Variants in KIF18B observed in about 807,000 individuals in gnomAD.
The protein encoded by KIF18B is kinesin-like protein KIF18B.
KIF18B carries 49 observed loss-of-function variants against 80.9 expected under a neutral mutation model. That is an observed-to-expected ratio of 0.61 (90% confidence interval 0.48 to 0.77). The LOEUF is 0.77. Ranked by LOEUF, KIF18B falls within the 30% of genes least tolerant of loss-of-function variation. The pLI is 0.00. For synonymous variants in KIF18B, 439 were observed against 463.9 expected (o/e 0.95, Z 0.69); for missense variants, 994 against 1,127.7 (o/e 0.88, Z 1.70).
chr17:44,936,582 CTCTCTCTCTCTCTCTCTATATATATATA>C (rs1436859784), intron 1 of KIF18B, among the ~76,000 whole-genome samples: 1 of 57,102 alleles, frequency 1.8e-5, no homozygotes, highest in Non-Finnish European at 3.6e-5. Context: ...CTCTCTCTCT[CTCTCTCTCTCTCTCTCTATATATATATA>C]TATATATATA....
At position 44,927,303 on chromosome 17, in the gene KIF18B, G is replaced by C. The variant is rs116305527; in HGVS notation, c.2277-225C>G. ...CCAGATGCCAGTTTCTGGTGCACCC[G>C]GGGAACTGGAGTTCAAACAATTTCA... On this transcript the variant is annotated intron_variant, in intron 13 of 15. Transcript: ENST00000593135. This position sits in a 1 kb window ranked among gnomAD's most constrained non-coding sequence, Gnocchi z 4.1. 3.2e-4 allele frequency among the ~76,000 whole-genome samples: 49 copies of C among 152,284 alleles called. No homozygotes were observed. In the East Asian group the frequency reaches 8.9e-3, roughly 28 times the overall value.
At chr17:44,926,311 C>T in intron 15 of KIF18B, 103 bp downstream of exon 15, 1 of 1,559,720 alleles carries the variant, frequency 6.4e-7, no homozygotes, top group Non-Finnish European at 8.7e-7. Context: ...TGGCAATACC[C>T]TAGGCCCTCC....
chr17:44,935,938 G>A, intron 2 of KIF18B, 94 bp downstream of exon 2: 2 of 1,137,040 alleles, frequency 1.8e-6, no homozygotes, highest in Non-Finnish European at 2.6e-6. Flanking sequence ...CCCAGCTTGG[G>A]GGAGGCGGGC....
chr17:44,939,207 C>A (rs1224180937), intron 1 of KIF18B, among the ~76,000 whole-genome samples: 4 of 151,282 alleles, frequency 2.6e-5, no homozygotes, highest in African/African-American at 9.7e-5. Flanking sequence ...CCTGTCTCTA[C>A]TAAAAATACA....
chr17:44,932,280 G>T, intron 9 of KIF18B, 74 bp from the exon 10 acceptor site: 1 of 1,494,854 alleles, frequency 6.7e-7, no homozygotes, highest in Non-Finnish European at 8.9e-7. Context: ...CAGGATGTGG[G>T]CCAGGTGGGA....
chr17:44,931,369 C>G (rs2052142114), intron 11 of KIF18B, among the ~76,000 whole-genome samples: 1 of 152,220 alleles, frequency 6.6e-6, no homozygotes, highest in African/African-American at 2.4e-5. Flanking sequence ...TGGATGTACT[C>G]TGGCATTTTG....
At chr17:44,937,812 G>A (rs539875103) in intron 1 of KIF18B, among the ~76,000 whole-genome samples, 1 of 152,140 alleles carries the variant, frequency 6.6e-6, no homozygotes, top group African/African-American at 2.4e-5. Flanking sequence ...GTGCATTCTT[G>A]TTTTGTTTCT....
intron 1 of KIF18B, among the ~76,000 whole-genome samples, chr17:44,939,769 C>T (rs886470696): frequency 2.0e-5 from 3 of 152,024 alleles, no homozygotes; most frequent in African/African-American, 4.8e-5. Context: ...AGGTTTATTA[C>T]TAGTTATTAC....
At position 44,926,154 on chromosome 17, in the gene KIF18B, G is replaced by C. The variant is rs199637788; in HGVS notation, c.2485C>G (p.Arg829Gly). The part of the protein sequence containing the change: ...LPLSPLCPSN[R>G]RNGKDLIRVG... ...CTGATGAGGTCCTTTCCATTCCTCC[G>C]GTTGCTAGGGCACAGGGGACTCAAG... Residue 829 changes from arginine to glycine, a missense_variant, in exon 16 of 16, where the codon CGG (arginine) becomes GGG (glycine). Arg to Gly is a moderately radical substitution (Grantham distance 125). Transcript: ENST00000593135. The C allele has an allele frequency of 2.4e-4, 381 of 1,613,774 alleles. No individual in the cohort carries two copies. The highest frequency in any genetic ancestry group is 3.1e-4 in the Non-Finnish European group (360 of 1,179,860).
chr17:44,927,932 A>G lies in KIF18B; in HGVS notation c.2276+94T>C, dbSNP rs2052062023. On this transcript the variant is annotated intron_variant, in intron 13 of 15. Transcript: ENST00000593135. The surrounding 1 kb of genome is among the most constrained non-coding windows in gnomAD (Gnocchi z 4.1). ...AACAGATAGGAACCGTCCCAGCTCC[A>G]AGGCTGTCCTCCATACTTCTCAGCA... 1.8e-5 allele frequency: 21 copies of G among 1,144,620 alleles called. No homozygotes were observed. Among genetic ancestry groups the G allele is most frequent in the Non-Finnish European group, 2.4e-5 (20 of 833,556 alleles). The allele number at this position is 1,144,620 out of a possible 1,614,324, so 70.9% of individuals were successfully genotyped here. A position where few individuals can be genotyped will look rare whatever the true frequency, so the allele number is the denominator to read the frequency against.
chr17:44,934,642 G>T lies in KIF18B; in HGVS notation c.577-25C>A. On this transcript the variant is annotated intron_variant, in intron 4 of 15. Coordinates refer to ENST00000593135, the MANE Select transcript of KIF18B (RefSeq NM_001265577.2). This position sits in a 1 kb window ranked among gnomAD's most constrained non-coding sequence, Gnocchi z 5.4. The stretch of plus-strand genomic sequence containing the variant: ...GCTACAGAGGAGAAGCCCAGGAACG[G>T]GGCTGTGGGTTCCCGGATCAGGACT... The T allele has an allele frequency of 6.4e-7, 1 of 1,555,826 alleles. No individual in the cohort carries two copies. Among genetic ancestry groups the T allele is most frequent in the Non-Finnish European group, 8.7e-7 (1 of 1,147,972 alleles).
chr17:44,937,675 C>T (rs1187910425), intron 1 of KIF18B, among the ~76,000 whole-genome samples: 2 of 152,106 alleles, frequency 1.3e-5, no homozygotes, highest in African/African-American at 4.8e-5. Context: ...TCTAAGTATA[C>T]AATTATGTAT....
chr17:44,936,551 A>C, intron 1 of KIF18B, among the ~76,000 whole-genome samples, 193 bp from the exon 2 acceptor site: 3 of 96,532 alleles, frequency 3.1e-5, no homozygotes, highest in Non-Finnish European at 6.0e-5. Context: ...GTCATACTCA[A>C]ATGACTCTCT....
intron 14 of KIF18B, 62 bp downstream of exon 14, chr17:44,926,927 G>T: frequency 1.4e-6 from 2 of 1,425,648 alleles, no homozygotes; most frequent in Non-Finnish European, 1.9e-6. Context: ...CGGCCCAGGT[G>T]TCTACTGCCC....
At chr17:44,936,626 T>TA (rs2052316933) in intron 1 of KIF18B, among the ~76,000 whole-genome samples, 12 of 16,190 alleles carry the variant, frequency 7.4e-4, no homozygotes, top group Non-Finnish European at 9.5e-4. Context: ...ATATATATAT[T>TA]TTTTTTTTTT....
Position 44,931,744 on chromosome 17 carries a change from A to G in KIF18B, c.1390-15T>C. ...TGGGTTGGAACCTAAAGAGGAAGGA[A>G]AAGGCACAGGTAGAGGGGCCAGGAT... On this transcript the variant is annotated splice_polypyrimidine_tract_variant and intron_variant, in intron 10 of 15. Coordinates refer to ENST00000593135, the MANE Select transcript of KIF18B (RefSeq NM_001265577.2). 1 of 1,613,642 alleles carries G rather than the reference A, an allele frequency of 6.2e-7. No homozygotes were observed. Among genetic ancestry groups the G allele is most frequent in the Non-Finnish European group, 8.5e-7 (1 of 1,179,728 alleles).
Position 44,936,064 on chromosome 17 carries a change from A to T in KIF18B, c.281T>A (p.Leu94Gln). Residue 94 changes from leucine (L) to glutamine (Q), a missense_variant, in exon 2 of 16, where the codon CTG becomes CAG. Coordinates refer to ENST00000593135, the MANE Select transcript of KIF18B (RefSeq NM_001265577.2). The part of the protein sequence containing the change: ...DVFQHTTHSV[L>Q]DSFLQGYNCS... ...GTTGTAGCCCTGGAGGAAGCTGTCC[A>T]GGACGCTGTGCGTGGTGTGCTGGAA... 1 of 1,613,804 alleles carries T rather than the reference A, an allele frequency of 6.2e-7. No individual in the cohort carries two copies. Among genetic ancestry groups the T allele is most frequent in the Non-Finnish European group, 8.5e-7 (1 of 1,179,888 alleles).
chr17:44,930,526 T>C (rs890813495), intron 11 of KIF18B, among the ~76,000 whole-genome samples: 2 of 152,128 alleles, frequency 1.3e-5, no homozygotes, highest in Non-Finnish European at 2.9e-5. Flanking sequence ...AATTCTAAAA[T>C]CAAAGGGAAA....
At chr17:44,946,251 T>C (rs2052511420) in intron 1 of KIF18B, among the ~76,000 whole-genome samples, 1 of 152,206 alleles carries the variant, frequency 6.6e-6, no homozygotes, top group Non-Finnish European at 1.5e-5. Context: ...TGCAACAGTA[T>C]ACATGTATAC....
Sources: allele counts gnomAD v4.1 joint callset (sites outside exome capture counted in the v4.1 genomes callset), GRCh38; gene constraint gnomAD v4.1.1; non-coding constraint Gnocchi (gnomAD v3.1); transcripts MANE v1.5; gene names NCBI Gene and HGNC (gene_info 2026-07-23, HGNC 2026-07-21).